The following DNAH17 variants were observed in gnomAD, a reference collection of about 807,000 sequenced individuals.
The protein encoded by DNAH17 is dynein axonemal heavy chain 17.
A neutral mutation model predicts 485.6 loss-of-function variants in DNAH17; 376 were observed. The ratio of observed to expected loss-of-function variants is 0.77; its 90% CI spans 0.71 to 0.84. The LOEUF (loss-of-function observed/expected upper bound fraction) is 0.84, where lower values mean the gene tolerates loss of function less well. DNAH17 is among the 40% of genes least tolerant of loss of function. The pLI, the probability that DNAH17 is intolerant of heterozygous loss-of-function variation, is 0.00. For synonymous variants in DNAH17, 3,031 were observed against 2,405.9 expected, an observed-to-expected ratio of 1.26 and a Z score of -7.60; for missense variants, 6,370 against 5,839.3, an observed-to-expected ratio of 1.09 and a Z score of -2.96.
At position 78,483,077 on chromosome 17, in the gene DNAH17, C is replaced by G. The variant is rs115714772; in HGVS notation, c.7649+1791G>C. On this transcript the variant is annotated intron_variant, in intron 48 of 80. Coordinates refer to ENST00000389840, the MANE Select transcript of DNAH17 (RefSeq NM_173628.4). ...GAACGGGTGGGCTCTCATGCATGCACCTGTCCTCCTCTCCTGTCTGGGTAC... is the reference window on the plus strand; with the variant it reads ...GAACGGGTGGGCTCTCATGCATGCAGCTGTCCTCCTCTCCTGTCTGGGTAC... 4.2e-3 allele frequency among the ~76,000 whole-genome samples: 632 copies of G among 152,224 alleles called. 6 individuals carry two copies. The highest frequency in any genetic ancestry group is 0.014 in the African/African-American group (588 of 41,532).
chr17:78,488,854 G>A (rs1040983020), intron 44 of DNAH17, among the ~76,000 whole-genome samples: 4 of 152,136 alleles, frequency 2.6e-5, no homozygotes, highest in Non-Finnish European at 5.9e-5. Context: ...TGGGAGGGGT[G>A]TGTCCATAAG....
chr17:78,440,847 G>A (rs1239069413), intron 72 of DNAH17, among the ~76,000 whole-genome samples: 2 of 152,148 alleles, frequency 1.3e-5, no homozygotes, highest in African/African-American at 4.8e-5. Context: ...TTTTACATCC[G>A]CTCAGCAACC....
intron 26 of DNAH17, among the ~76,000 whole-genome samples, chr17:78,513,671 A>G (rs1207251414): frequency 6.6e-6 from 1 of 152,110 alleles, no homozygotes; most frequent in African/African-American, 2.4e-5. Context: ...CCTGGCCTCA[A>G]GTGATCCACC....
At chr17:78,447,110 T>C (rs1032672774) in intron 69 of DNAH17, among the ~76,000 whole-genome samples, 2 of 152,118 alleles carry the variant, frequency 1.3e-5, no homozygotes, top group Admixed American at 1.3e-4. Context: ...AGCTATTTTT[T>C]TGTGGAGATG....
At chr17:78,479,205 C>T (rs563538132) in intron 50 of DNAH17, 89 bp from the exon 51 acceptor site, 29 of 1,320,624 alleles carry the variant, frequency 2.2e-5, no homozygotes, top group African/African-American at 4.4e-5. Flanking sequence ...CAATGGACTA[C>T]GAAATGGTGA....
chr17:78,502,425 G>A (rs547926973), intron 33 of DNAH17, 166 bp downstream of exon 33: 37 of 589,738 alleles, frequency 6.3e-5, no homozygotes, highest in East Asian at 1.8e-4. Context: ...GCTGTGGTGC[G>A]TGGCTGTTAT....
chr17:78,571,656 G>C lies in DNAH17; in HGVS notation c.666C>G (p.Pro222=). ...AGAACTCGAACTCCACTTGGGGCAGGGGGTGCAGCCCATCCAGCAGCGCCT... is the reference window on the plus strand; with the variant it reads ...AGAACTCGAACTCCACTTGGGGCAGCGGGTGCAGCCCATCCAGCAGCGCCT... The part of the protein sequence containing the change: ...SAQALLDGLH[P]LPQVEFEFWD... The change falls in exon 4 of 81, where the codon CCC becomes CCG. Residue 222 remains proline (P), a synonymous_variant. Transcript: ENST00000389840. 6.2e-7 allele frequency: 1 copy of C among 1,614,026 alleles called. No homozygotes were observed. Among genetic ancestry groups the C allele is most frequent in the Non-Finnish European group, 8.5e-7 (1 of 1,179,902 alleles).
At chr17:78,498,158 A>AC (rs2090140787) in intron 37 of DNAH17, among the ~76,000 whole-genome samples, 1 of 42,528 alleles carries the variant, frequency 2.4e-5, no homozygotes, top group Non-Finnish European at 4.2e-5. Flanking sequence ...ACAAAACATA[A>AC]ATAAATAAAT....
At chr17:78,556,700 G>A (rs140372416) in intron 14 of DNAH17, among the ~76,000 whole-genome samples, 27 of 152,220 alleles carry the variant, frequency 1.8e-4, no homozygotes, top group African/African-American at 6.3e-4. Flanking sequence ...CCTCCTGATT[G>A]TACAGGGATG....
At chr17:78,525,307 G>A in intron 24 of DNAH17, 146 bp from the exon 25 acceptor site, 1 of 1,260,980 alleles carries the variant, frequency 7.9e-7, no homozygotes, top group Non-Finnish European at 1.1e-6. Flanking sequence ...GTCCCACCTG[G>A]AGGGAGGACA....
At chr17:78,462,242 C>T (rs1029110219) in intron 57 of DNAH17, among the ~76,000 whole-genome samples, 1 of 32,204 alleles carries the variant, frequency 3.1e-5, no homozygotes, top group Non-Finnish European at 5.8e-5. Context: ...AGAGTGACAG[C>T]GAGAGTTTGG....
At chr17:78,527,507 T>TTGTGGGTGTGGG (rs376997746) in intron 22 of DNAH17, among the ~76,000 whole-genome samples, 1 of 152,160 alleles carries the variant, frequency 6.6e-6, no homozygotes, top group East Asian at 1.9e-4. Context: ...CTGAATCCAT[T>TTGTGGGTGTGGG]TGTGGGTGTG....
chr17:78,551,283 C>A (rs781579480), intron 16 of DNAH17, among the ~76,000 whole-genome samples: 2 of 152,236 alleles, frequency 1.3e-5, no homozygotes, highest in Non-Finnish European at 2.9e-5. Flanking sequence ...TTGCTACTGG[C>A]ACTGGCCTGG....
At chr17:78,483,986 C>T (rs191830575) in intron 48 of DNAH17, among the ~76,000 whole-genome samples, 4 of 149,040 alleles carry the variant, frequency 2.7e-5, no homozygotes, top group Admixed American at 6.8e-5. Flanking sequence ...TTACCAGCTA[C>T]TCAGGAGGCT....
intron 80 of DNAH17, chr17:78,424,476 CAGAGT>C (rs1441698836): frequency 4.0e-5 from 13 of 323,242 alleles, no homozygotes; most frequent in Non-Finnish European, 6.9e-5. Context: ...CTAAAAATTA[CAGAGT>C]AAAGTTCCCT....
chr17:78,479,464 G>T (rs374408941), intron 50 of DNAH17, 21 bp downstream of exon 50: 29 of 1,594,474 alleles, frequency 1.8e-5, no homozygotes, highest in Non-Finnish European at 2.5e-5. Flanking sequence ...ATGGGAGAGG[G>T]GATGAGGCCA....
chr17:78,509,782 G>A (rs753368418), intron 27 of DNAH17, among the ~76,000 whole-genome samples: 2 of 152,050 alleles, frequency 1.3e-5, no homozygotes, highest in Non-Finnish European at 1.5e-5. Flanking sequence ...AGACAAAGAC[G>A]CTTGAGGCAA....
At chr17:78,543,640 G>T (rs756082724) in intron 17 of DNAH17, 6 of 662,674 alleles carry the variant, frequency 9.1e-6, no homozygotes, top group Non-Finnish European at 1.0e-5. Context: ...GGTCAAGCTG[G>T]TCTCGATCTC....
In DNAH17 at chr17:78,475,810, A is replaced by G. The variant is rs369101574; in HGVS notation, c.8178T>C (p.Phe2726=). The G allele has an allele frequency of 7.9e-5, 128 of 1,613,396 alleles. No individual in the cohort carries two copies. Among genetic ancestry groups the G allele is most frequent in the Admixed American group, 4.2e-4 (25 of 59,880 alleles). Reference sequence around the variant, plus strand: ...AGTGGCAGAAGATATTTGGCTTGGCAAATAAGAGTTCATCACCAAGATCCT... The same window carrying G: ...AGTGGCAGAAGATATTTGGCTTGGCGAATAAGAGTTCATCACCAAGATCCT... ...FFDDLGDELL[F]AKPNIFCHFA... Residue 2726 remains phenylalanine (F), a synonymous_variant, in exon 53 of 81, where the codon TTT becomes TTC. Coordinates refer to ENST00000389840, the MANE Select transcript of DNAH17 (RefSeq NM_173628.4).
Sources: gnomAD v4.1 joint callset for allele counts (sites outside exome capture counted in the v4.1 genomes callset) on GRCh38, gnomAD v4.1.1 for gene constraint, MANE v1.5 for transcripts, NCBI Gene and HGNC (gene_info 2026-07-23, HGNC 2026-07-21) for gene names.